IRAK3: variants seen among roughly 807,000 people sequenced by gnomAD.
IRAK3 encodes interleukin-1 receptor-associated kinase 3.
A neutral mutation model predicts 56.6 loss-of-function variants in IRAK3; 57 were observed. That is an observed-to-expected ratio of 1.01 (90% CI 0.81 to 1.26). The LOEUF (loss-of-function observed/expected upper bound fraction) is 1.26, where lower values mean the gene tolerates loss of function less well. Among genes scored for constraint, IRAK3 ranks in the 50% most tolerant of loss-of-function variants. The pLI is 0.00. For synonymous variants in IRAK3, 258 were observed against 255.7 expected, an observed-to-expected ratio of 1.01 and a Z score of -0.09; for missense variants, 703 against 719.0, an observed-to-expected ratio of 0.98 and a Z score of 0.25.
intron 1 of IRAK3, among the ~76,000 whole-genome samples, chr12:66,198,611 A>C (rs2052477377): frequency 6.6e-6 from 1 of 152,200 alleles, no homozygotes; most frequent in Non-Finnish European, 1.5e-5. Flanking sequence ...AAAGTTTCAA[A>C]GGGTAGCAGG....
rs768355162 is a variant in IRAK3 at position 66,189,345 on chromosome 12, C to T, written c.46C>T (p.Leu16=). 10 of 1,532,480 alleles carry T rather than the reference C, an allele frequency of 6.5e-6. No homozygotes were observed. Among genetic ancestry groups the T allele is most frequent in the Non-Finnish European group, 8.7e-6 (10 of 1,145,702 alleles). The allele number at this position is 1,532,480 out of a possible 1,614,324, so 94.9% of individuals were successfully genotyped here. Residue 16 remains leucine (L), a synonymous_variant, in exon 1 of 12, where the codon CTG becomes TTG. Coordinates refer to ENST00000261233, the MANE Select transcript of IRAK3 (RefSeq NM_007199.3). ...CCGCGGCGCGCTGTCGGCGCACACG[C>T]TGCTGTTCGACCTGCCGCCCGCGCT... ...GARGALSAHT[L]LFDLPPALLG...
At chr12:66,237,531 T>C (rs754706341) in intron 8 of IRAK3, among the ~76,000 whole-genome samples, 23 of 152,320 alleles carry the variant, frequency 1.5e-4, no homozygotes, top group Middle Eastern at 3.4e-3. Flanking sequence ...ATGTCTCAGT[T>C]AACTATAGTA....
At chr12:66,229,498 G>T (rs1315418836) in intron 8 of IRAK3, among the ~76,000 whole-genome samples, 1 of 152,164 alleles carries the variant, frequency 6.6e-6, no homozygotes, top group Non-Finnish European at 1.5e-5. Flanking sequence ...AAAAGGAGCT[G>T]ATTGCTTACT....
chr12:66,219,631 A>G (rs1244687750), intron 6 of IRAK3, among the ~76,000 whole-genome samples: 1 of 151,964 alleles, frequency 6.6e-6, no homozygotes, highest in African/African-American at 2.4e-5. Context: ...TTTTTAAGGA[A>G]CCTCCATTAT....
At chr12:66,247,287 A>G (rs568071468) in intron 11 of IRAK3, among the ~76,000 whole-genome samples, 1 of 152,022 alleles carries the variant, frequency 6.6e-6, no homozygotes, top group East Asian at 1.9e-4. Flanking sequence ...AACAAAACAA[A>G]CAAACAAACA....
chr12:66,247,953 A>G lies in IRAK3; in HGVS notation c.1573A>G (p.Ser525Gly). ...TCTGAGCTTGGACAAAAAGCCAGAG[A>G]GCAAGAGAAATGAGGAAGCTTGCAA... Reference protein sequence around the residue: ...MFLSLDKKPESKRNEEACNMP... With the variant: ...MFLSLDKKPEGKRNEEACNMP... Residue 525 changes from serine (S) to glycine (G), a missense_variant, in exon 12 of 12, where the codon AGC becomes GGC. Transcript: ENST00000261233. 6.2e-7 allele frequency: 1 copy of G among 1,613,164 alleles called. No homozygotes were observed. Among genetic ancestry groups the G allele is most frequent in the Non-Finnish European group, 8.5e-7 (1 of 1,179,756 alleles).
intron 8 of IRAK3, 37 bp from the exon 9 acceptor site, chr12:66,244,449 G>A (rs750162609): frequency 1.1e-5 from 16 of 1,501,244 alleles, no homozygotes; most frequent in Admixed American, 1.7e-5. Context: ...GTGCCTTTAT[G>A]ATATTTTGTC....
At chr12:66,227,013 A>G (rs1254966130) in intron 7 of IRAK3, among the ~76,000 whole-genome samples, 176 bp downstream of exon 7, 2 of 152,146 alleles carry the variant, frequency 1.3e-5, no homozygotes, top group Admixed American at 6.5e-5. Flanking sequence ...TAGAAGGCTG[A>G]GCAAATACCT....
intron 1 of IRAK3, chr12:66,197,783 A>C: frequency 1.0e-6 from 1 of 985,426 alleles, no homozygotes; most frequent in Non-Finnish European, 1.2e-6. Flanking sequence ...CTGTTCATTC[A>C]TATTCCAGCT....
At chr12:66,205,657 C>T (rs2052551675) in intron 2 of IRAK3, among the ~76,000 whole-genome samples, 1 of 152,144 alleles carries the variant, frequency 6.6e-6, no homozygotes, top group Non-Finnish European at 1.5e-5. Context: ...TATGCTGCCA[C>T]CGTGGACAGA....
At chr12:66,217,321 C>A in intron 6 of IRAK3, 86 bp downstream of exon 6, 1 of 979,678 alleles carries the variant, frequency 1.0e-6, no homozygotes. Context: ...CAGAGCTTGG[C>A]GTGACATGTA....
chr12:66,224,465 A>G (rs934724518), intron 6 of IRAK3, among the ~76,000 whole-genome samples: 4 of 152,214 alleles, frequency 2.6e-5, no homozygotes, highest in Admixed American at 6.5e-5. Context: ...GAGCAGCAGA[A>G]TAGGTTTCTT....
At chr12:66,244,885 G>T (rs2053011305) in intron 9 of IRAK3, 63 bp from the exon 10 acceptor site, 1 of 1,289,962 alleles carries the variant, frequency 7.8e-7, no homozygotes, top group African/African-American at 1.5e-5. Context: ...ATGGTTAATA[G>T]TTGCAACAAA....
chr12:66,202,830 A>G lies in IRAK3; in HGVS notation c.134-881A>G, dbSNP rs553863840. ...AAAAAAATAAAATAAAAATAAAAGG[A>G]AAAAAAAAAAGAACACAAGAGCCAA... On this transcript the variant is annotated intron_variant, in intron 1 of 11. Transcript: ENST00000261233. Among the ~76,000 whole-genome samples the G allele has an allele frequency of 5.9e-4, 86 of 145,198 alleles. No individual in the cohort carries two copies. In the East Asian group the frequency reaches 6.1e-3, roughly 10 times the overall value.
At chr12:66,246,553 A>G (rs1431197942) in intron 11 of IRAK3, among the ~76,000 whole-genome samples, 2 of 152,230 alleles carry the variant, frequency 1.3e-5, no homozygotes, top group African/African-American at 4.8e-5. Flanking sequence ...GGGCTCAGGA[A>G]GGAGCTATGA....
intron 6 of IRAK3, among the ~76,000 whole-genome samples, chr12:66,220,677 C>T (rs1372597368): frequency 4.0e-5 from 6 of 151,174 alleles, no homozygotes; most frequent in Non-Finnish European, 5.9e-5. Flanking sequence ...CCCGCCACTA[C>T]GCCCGGCTAA....
At chr12:66,198,081 T>A (rs1179285929) in intron 1 of IRAK3, 1 of 985,176 alleles carries the variant, frequency 1.0e-6, no homozygotes, top group East Asian at 1.1e-4. Context: ...TTTTTATGTA[T>A]AAATATTTTA....
At chr12:66,209,728 G>C (rs1041002413) in intron 3 of IRAK3, among the ~76,000 whole-genome samples, 1 of 152,200 alleles carries the variant, frequency 6.6e-6, no homozygotes, top group African/African-American at 2.4e-5. Flanking sequence ...AGAGCTTTCT[G>C]TTCTCAGTGA....
intron 1 of IRAK3, 124 bp from the exon 2 acceptor site, chr12:66,203,587 A>C: frequency 3.3e-6 from 3 of 896,102 alleles, no homozygotes; most frequent in South Asian, 3.0e-5. Context: ...TTCAAAATAA[A>C]AGTTATAAAT....
Sources: allele counts gnomAD v4.1 joint callset (sites outside exome capture counted in the v4.1 genomes callset), GRCh38; gene constraint gnomAD v4.1.1; transcripts MANE v1.5; gene names NCBI Gene and HGNC (gene_info 2026-07-23, HGNC 2026-07-21).